MAGI2: variants seen among roughly 807,000 people sequenced by gnomAD.
The protein encoded by MAGI2 is membrane-associated guanylate kinase, WW and PDZ domain-containing protein 2.
MAGI2 carries 35 observed loss-of-function variants against 133.3 expected under a neutral mutation model. The ratio of observed to expected loss-of-function variants is 0.26; its 90% CI spans 0.20 to 0.35. MAGI2 has a LOEUF of 0.35. MAGI2 is among the 10% of genes least tolerant of loss of function. MAGI2 has a pLI of 1.00. For synonymous variants in MAGI2, 729 were observed against 710.6 expected (o/e 1.03, Z -0.41); for missense variants, 1,636 against 1,863.4 (o/e 0.88, Z 2.25).
chr7:79,377,058 A>G (rs540852156), intron 1 of MAGI2, among the ~76,000 whole-genome samples: 10 of 151,960 alleles, frequency 6.6e-5, no homozygotes, highest in South Asian at 2.1e-4. Flanking sequence ...TTCCACATAT[A>G]AAGTTAAGAT....
intron 9 of MAGI2, among the ~76,000 whole-genome samples, chr7:78,281,884 CAAAAAA>C (rs60871451): frequency 7.2e-6 from 1 of 139,702 alleles, no homozygotes; most frequent in Non-Finnish European, 1.6e-5. Context: ...AACTCCATCT[CAAAAAA>C]AAAAAAAGGA....
At chr7:79,159,573 T>C (rs1429390190) in intron 1 of MAGI2, among the ~76,000 whole-genome samples, 1 of 150,672 alleles carries the variant, frequency 6.6e-6, no homozygotes, top group East Asian at 1.9e-4. Context: ...TACAGATGGG[T>C]CTTTTATATT....
intron 9 of MAGI2, among the ~76,000 whole-genome samples, chr7:78,260,843 G>T (rs1285178055): frequency 6.6e-6 from 1 of 152,060 alleles, no homozygotes; most frequent in East Asian, 1.9e-4. Context: ...CTTTAAAACT[G>T]CTGTCCTGTA....
chr7:78,231,650 C>T (rs558249162), intron 10 of MAGI2, among the ~76,000 whole-genome samples: 12 of 152,258 alleles, frequency 7.9e-5, no homozygotes, highest in East Asian at 5.8e-4. Context: ...TAGCCTTCCT[C>T]AAGTTTGCTA....
rs1413612145 is a variant in MAGI2 at position 78,330,487 on chromosome 7, G to A, written c.1408+13291C>T. Among the ~76,000 whole-genome samples the A allele has an allele frequency of 7.8e-5, 7 of 89,758 alleles. 2 individuals are homozygous for A. Among genetic ancestry groups the A allele is most frequent in the Non-Finnish European group, 1.4e-4 (6 of 42,160 alleles). 58.9% of individuals were successfully genotyped at this position (89,758 alleles called of 152,430 possible). A position where few individuals can be genotyped will look rare whatever the true frequency, so the allele number is the denominator to read the frequency against. On this transcript the variant is annotated intron_variant, in intron 9 of 21. Coordinates refer to ENST00000354212, the MANE Select transcript of MAGI2 (RefSeq NM_012301.4). ...AAAAAATTAGCCGGGCGAGGTGGCG[G>A]GCGCCTGTAGTCCCAGCTACTCCGG...
At chr7:78,204,558 C>T (rs1829555403) in intron 10 of MAGI2, among the ~76,000 whole-genome samples, 1 of 152,112 alleles carries the variant, frequency 6.6e-6, no homozygotes, top group South Asian at 2.1e-4. Flanking sequence ...GTCTTTATTT[C>T]CCCTACTTCT....
intron 1 of MAGI2, among the ~76,000 whole-genome samples, chr7:79,147,931 C>T (rs114979426): frequency 0.012 from 1,872 of 152,160 alleles, 39 homozygotes; most frequent in African/African-American, 0.043. Context: ...TTTAAGGTAT[C>T]GTATCCACTG....
rs201177565 is a variant in MAGI2 at position 78,649,235 on chromosome 7, A to G, written c.419-21996T>C. Among the ~76,000 whole-genome samples, 6 of 73,976 alleles carry G rather than the reference A, an allele frequency of 8.1e-5. 1 individual carries two copies. Among genetic ancestry groups the G allele is most frequent in the Non-Finnish European group, 1.7e-4 (6 of 35,524 alleles). The allele number at this position is 73,976 out of a possible 152,430, so 48.5% of individuals were successfully genotyped here. ...GATGACTTGTGGTAAAAAAAAAAAA[A>G]GAAAAAAAAAGAAAAAAAGTAATGA... On this transcript the variant is annotated intron_variant, in intron 2 of 21. Coordinates refer to ENST00000354212, the MANE Select transcript of MAGI2 (RefSeq NM_012301.4).
chr7:78,116,191 A>G (rs1444209874), intron 20 of MAGI2, among the ~76,000 whole-genome samples: 1 of 152,228 alleles, frequency 6.6e-6, no homozygotes, highest in Non-Finnish European at 1.5e-5. Flanking sequence ...ATAAAAAAAC[A>G]AAAACACCTT....
chr7:78,661,437 A>G (rs996231712), intron 2 of MAGI2, among the ~76,000 whole-genome samples: 2 of 152,216 alleles, frequency 1.3e-5, no homozygotes, highest in Admixed American at 6.5e-5. Context: ...AGCATTGCCC[A>G]TAGAAGTCAG....
intron 1 of MAGI2, among the ~76,000 whole-genome samples, chr7:79,371,166 A>G (rs751268469): frequency 2.0e-5 from 3 of 152,018 alleles, no homozygotes; most frequent in African/African-American, 4.8e-5. Flanking sequence ...ATTCCTCTAC[A>G]TTTTTTTACT....
Position 78,019,289 on chromosome 7 carries a change from G to A in MAGI2, c.*26C>T, listed in dbSNP as rs1270867670. The A allele has an allele frequency of 1.9e-6, 3 of 1,575,018 alleles. No individual in the cohort carries two copies. The highest frequency in any genetic ancestry group is 2.6e-6 in the Non-Finnish European group (3 of 1,169,910). On this transcript the variant is annotated 3_prime_UTR_variant, in exon 22 of 22. Transcript: ENST00000354212. ...TAAGAAGAACTGCCTGCGCCGGGGC[G>A]GGCGGGTTGGCCGTGGCCGCGCGGC... is the stretch of plus-strand genomic sequence containing the variant.
At chr7:78,099,371 C>T (rs945506417) in intron 20 of MAGI2, among the ~76,000 whole-genome samples, 1 of 152,092 alleles carries the variant, frequency 6.6e-6, no homozygotes, top group Non-Finnish European at 1.5e-5. Flanking sequence ...TTAAATTATA[C>T]ATTTTACAAT....
chr7:79,030,507 G>GT (rs1310754575), intron 1 of MAGI2, among the ~76,000 whole-genome samples: 6 of 152,250 alleles, frequency 3.9e-5, no homozygotes, highest in African/African-American at 1.4e-4. Flanking sequence ...CTCCGTTTTT[G>GT]TTTTTGTTTG....
At chr7:79,450,734 C>A (rs1849183241) in intron 1 of MAGI2, among the ~76,000 whole-genome samples, 1 of 152,098 alleles carries the variant, frequency 6.6e-6, no homozygotes, top group African/African-American at 2.4e-5. Context: ...TGGCAAGATT[C>A]AAATAATATC....
rs146633564 is a variant in MAGI2 at position 78,793,617 on chromosome 7, A to C, written c.419-166378T>G. On this transcript the variant is annotated intron_variant, in intron 2 of 21. Coordinates refer to ENST00000354212, the MANE Select transcript of MAGI2 (RefSeq NM_012301.4). ...ATAATGATGGGGCAAAGGAGAAAAA[A>C]TGTGATCTTCTCAATAGATTTAGAA... is the stretch of plus-strand genomic sequence containing the variant. Among the ~76,000 whole-genome samples, 469 of 152,356 alleles carry C rather than the reference A, an allele frequency of 3.1e-3. 1 individual carries two copies. The highest frequency in any genetic ancestry group is 0.011 in the African/African-American group (444 of 41,592).
At chr7:78,097,083 T>C (rs903463957) in intron 20 of MAGI2, among the ~76,000 whole-genome samples, 5 of 152,092 alleles carry the variant, frequency 3.3e-5, no homozygotes, top group Admixed American at 6.5e-5. Flanking sequence ...TCACTGATCA[T>C]TAGAGAAATG....
intron 2 of MAGI2, among the ~76,000 whole-genome samples, chr7:78,745,121 T>A (rs1359190020): frequency 1.3e-5 from 2 of 152,190 alleles, no homozygotes; most frequent in African/African-American, 2.4e-5. Context: ...CAACCCAGAC[T>A]ATCTGACTCC....
At chr7:78,033,306 A>G (rs1396869467) in intron 21 of MAGI2, among the ~76,000 whole-genome samples, 2 of 151,976 alleles carry the variant, frequency 1.3e-5, no homozygotes, top group South Asian at 2.1e-4. Flanking sequence ...GCAAGACCCT[A>G]TCGCTACAAA....
Sources: allele counts gnomAD v4.1 joint callset (sites outside exome capture counted in the v4.1 genomes callset), GRCh38; gene constraint gnomAD v4.1.1; transcripts MANE v1.5; gene names NCBI Gene and HGNC (gene_info 2026-07-23, HGNC 2026-07-21).